The following NFIB variants were observed in gnomAD, a reference collection of about 807,000 sequenced individuals.
NFIB encodes nuclear factor I B, also known as nuclear factor 1 B-type.
Under a neutral mutation model 61.5 loss-of-function variants are expected in NFIB, and 11 were observed. The ratio of observed to expected loss-of-function variants is 0.18; its 90% CI spans 0.11 to 0.30. NFIB has a LOEUF of 0.30. Among genes scored for constraint, NFIB ranks in the 10% least tolerant of loss-of-function variants. NFIB has a pLI of 1.00. For synonymous variants in NFIB, 260 were observed against 216.5 expected, an observed-to-expected ratio of 1.20 and a Z score of -1.76; for missense variants, 471 against 608.9, an observed-to-expected ratio of 0.77 and a Z score of 2.38.
chr9:14,169,298 C>T (rs1296743038), intron 3 of NFIB, among the ~76,000 whole-genome samples: 1 of 152,050 alleles, frequency 6.6e-6, no homozygotes, highest in Non-Finnish European at 1.5e-5. Flanking sequence ...TGCAGGAACA[C>T]ACATACATGC....
At chr9:14,173,281 G>A (rs1421585642) in intron 3 of NFIB, among the ~76,000 whole-genome samples, 3 of 152,086 alleles carry the variant, frequency 2.0e-5, no homozygotes, top group Non-Finnish European at 2.9e-5. Context: ...TCATTCAAGG[G>A]AAAATTTTAA....
the NFIB span, among the ~76,000 whole-genome samples, chr9:14,515,540 G>C: frequency 6.6e-6 from 1 of 152,226 alleles, no homozygotes; most frequent in African/African-American, 2.4e-5. Flanking sequence ...CTTTGCATCA[G>C]AGTCACCTGG....
At chr9:14,343,338 CT>C (rs2060975324) in intron 1 of NFIB, among the ~76,000 whole-genome samples, 1 of 152,146 alleles carries the variant, frequency 6.6e-6, no homozygotes, top group South Asian at 2.1e-4. Context: ...TGGAAATGGG[CT>C]GGGGCGGGGG....
At chr9:14,286,720 C>T (rs146187680) in intron 2 of NFIB, among the ~76,000 whole-genome samples, 1 of 152,136 alleles carries the variant, frequency 6.6e-6, no homozygotes, top group African/African-American at 2.4e-5. Flanking sequence ...CTCTATATTG[C>T]AATTTTAGGA....
chr9:14,291,499 A>G lies in NFIB; in HGVS notation c.562+15490T>C, dbSNP rs543139221. Among the ~76,000 whole-genome samples the G allele has an allele frequency of 2.2e-4, 33 of 152,310 alleles. No individual in the cohort carries two copies. The South Asian group carries it at 6.6e-3, about 31-fold the overall frequency. Reference sequence around the variant, plus strand: ...CTGTAAAAGAATTTCTACCTTAACAAAAAGATTCATTGAAAGTTGCTTTTT... The same window carrying G: ...CTGTAAAAGAATTTCTACCTTAACAGAAAGATTCATTGAAAGTTGCTTTTT... On this transcript the variant is annotated intron_variant, in intron 2 of 10. Transcript: ENST00000380953.
At chr9:14,403,480 T>C (rs2061761722), upstream of NFIB, among the ~76,000 whole-genome samples, 1 of 152,142 alleles carries the variant, frequency 6.6e-6, no homozygotes, top group East Asian at 1.9e-4. Context: ...ATCTAAGTTA[T>C]ACTGGAAAAG....
intron 1 of NFIB, among the ~76,000 whole-genome samples, chr9:14,364,540 C>T (rs1188898135): frequency 1.3e-5 from 2 of 152,108 alleles, no homozygotes; most frequent in Non-Finnish European, 2.9e-5. Context: ...GAAATGGGTC[C>T]TTACTTTTTA....
At chr9:14,391,543 T>C (rs951537665) in intron 1 of NFIB, among the ~76,000 whole-genome samples, 1 of 151,948 alleles carries the variant, frequency 6.6e-6, no homozygotes, top group Non-Finnish European at 1.5e-5. Context: ...GGCTCAAGCA[T>C]GTGCACTAAG....
chr9:14,519,531 G>T, the NFIB span, among the ~76,000 whole-genome samples: 3 of 152,096 alleles, frequency 2.0e-5, no homozygotes, highest in Non-Finnish European at 2.9e-5. Flanking sequence ...TTGGCGGGGG[G>T]TTGGGAGGCA....
exon 1 of NFIB, chr9:14,398,626 T>A: frequency 7.2e-6 from 11 of 1,529,530 alleles, no homozygotes; most frequent in Non-Finnish European, 9.6e-6. Context: ...CTGGGATTCT[T>A]TCCATACTCC....
chr9:14,387,433 A>C (rs2133020237), intron 1 of NFIB, among the ~76,000 whole-genome samples: 1 of 152,348 alleles, frequency 6.6e-6, no homozygotes, highest in Non-Finnish European at 1.5e-5. Context: ...AATGTAAGCC[A>C]GGTATTGGAG....
intron 10 of NFIB, chr9:14,094,092 C>T (rs999549462): frequency 1.3e-5 from 2 of 152,028 alleles, no homozygotes; most frequent in Admixed American, 1.3e-4. Context: ...TTGCCCAACT[C>T]GTATTGCTAT....
the NFIB span, among the ~76,000 whole-genome samples, chr9:14,416,530 G>T: frequency 6.6e-6 from 1 of 151,182 alleles, no homozygotes; most frequent in East Asian, 1.9e-4. Flanking sequence ...ACAAATAAAA[G>T]AAAAAATTAA....
At chr9:14,165,488 T>C (rs1461379364) in intron 3 of NFIB, among the ~76,000 whole-genome samples, 9 of 152,252 alleles carry the variant, frequency 5.9e-5, no homozygotes, top group Admixed American at 2.0e-4. Flanking sequence ...CAGCTCACTA[T>C]GAGAAAAGCT....
chr9:14,205,498 G>C (rs1252734081), intron 2 of NFIB, among the ~76,000 whole-genome samples: 1 of 151,660 alleles, frequency 6.6e-6, no homozygotes, highest in African/African-American at 2.4e-5. Context: ...TTAAATCCCA[G>C]CTAACAGGCT....
chr9:14,231,135 A>AAAAAAATATAT (rs55959148), intron 2 of NFIB, among the ~76,000 whole-genome samples: 3 of 35,344 alleles, frequency 8.5e-5, no homozygotes, highest in Non-Finnish European at 1.6e-4. Context: ...AAAAAAAAAA[A>AAAAAAATATAT]ATATATATAT....
intron 2 of NFIB, among the ~76,000 whole-genome samples, chr9:14,253,924 C>CT (rs1192339091): frequency 6.6e-6 from 1 of 152,104 alleles, no homozygotes; most frequent in Non-Finnish European, 1.5e-5. Flanking sequence ...TTTTCCTGCC[C>CT]TTTGACTTTT....
intron 2 of NFIB, among the ~76,000 whole-genome samples, chr9:14,265,169 T>C (rs899313209): frequency 2.0e-5 from 3 of 152,192 alleles, no homozygotes; most frequent in Admixed American, 6.5e-5. Context: ...TCTACCACTA[T>C]AGATTGGATA....
At chr9:14,188,498 T>A (rs1429616770) in intron 2 of NFIB, among the ~76,000 whole-genome samples, 2 of 152,224 alleles carry the variant, frequency 1.3e-5, no homozygotes, top group African/African-American at 2.4e-5. Flanking sequence ...CATTATTTAT[T>A]CAAAACATTT....
Sources: allele counts gnomAD v4.1 joint callset (sites outside exome capture counted in the v4.1 genomes callset), GRCh38; gene constraint gnomAD v4.1.1; transcripts MANE v1.5; gene names NCBI Gene and HGNC (gene_info 2026-07-23, HGNC 2026-07-21).